Variants in RBFOX3 observed in about 807,000 individuals in gnomAD.
RBFOX3 encodes RNA binding fox-1 homolog 3.
In RBFOX3, 17 loss-of-function variants were observed where a neutral mutation model predicts 48.7. The ratio of observed to expected loss-of-function variants is 0.35; its 90% CI spans 0.24 to 0.52. RBFOX3 has a LOEUF of 0.52. Ranked by LOEUF, RBFOX3 falls within the 20% of genes least tolerant of loss-of-function variation. The pLI is 0.94. For synonymous variants in RBFOX3, 212 were observed against 209.5 expected (o/e 1.01, Z -0.10); for missense variants, 382 against 497.5 (o/e 0.77, Z 2.21).
In RBFOX3 at chr17:79,205,838, CT is replaced by C. The variant is rs11285839; in HGVS notation, c.-34+29927del. Among the ~76,000 whole-genome samples, 69,924 of 146,226 alleles carry C rather than the reference CT, an allele frequency of 0.48. 17,719 individuals carry two copies. The highest frequency in any genetic ancestry group is 0.61 in the East Asian group (3,074 of 5,030). On this transcript the variant is annotated intron_variant, in intron 4 of 14. Transcript: ENST00000693108. The surrounding 1 kb of genome is among the most constrained non-coding windows in gnomAD (Gnocchi z 4.5). ...TCCATAAAGAGTCAAAAGCAGTTGG[CT>C]TTTTTTTTTTTTTTCCTTAAAGTAG...
chr17:79,211,866 T>C (rs1286776956), intron 4 of RBFOX3, among the ~76,000 whole-genome samples: 11 of 152,120 alleles, frequency 7.2e-5, no homozygotes, highest in African/African-American at 2.7e-4. Context: ...GGTTAGGCCC[T>C]CTCTTAGCAC....
chr17:79,301,029 C>G (rs1600505479), intron 3 of RBFOX3, among the ~76,000 whole-genome samples: 1 of 152,206 alleles, frequency 6.6e-6, no homozygotes, highest in Non-Finnish European at 1.5e-5. Flanking sequence ...ACCATCACCT[C>G]CTGAAATCTT....
At chr17:79,193,160 T>C (rs1272106116) in intron 4 of RBFOX3, among the ~76,000 whole-genome samples, 1 of 152,324 alleles carries the variant, frequency 6.6e-6, no homozygotes, top group South Asian at 2.1e-4. Flanking sequence ...TGGCTGCCGT[T>C]TCCTCCAAAG....
intron 4 of RBFOX3, among the ~76,000 whole-genome samples, chr17:79,158,188 G>A (rs1453937895): frequency 3.9e-5 from 6 of 152,158 alleles, no homozygotes; most frequent in African/African-American, 1.4e-4. Context: ...AGGAAGAGAG[G>A]CCTCCAACAG....
chr17:79,280,170 CCACT>C (rs56098304), intron 3 of RBFOX3, among the ~76,000 whole-genome samples: 29,030 of 141,100 alleles, frequency 0.21, 3,014 homozygotes, highest in East Asian at 0.48. Context: ...CACGCACACA[CCACT>C]CACACACACA....
At chr17:79,313,449 C>T (rs1236739776) in intron 2 of RBFOX3, among the ~76,000 whole-genome samples, 1 of 152,194 alleles carries the variant, frequency 6.6e-6, no homozygotes, top group Non-Finnish European at 1.5e-5. Flanking sequence ...GGCCTGTTTA[C>T]CTGTTTCCAC....
rs150741197 is a variant in RBFOX3, at chr17:79,116,407, C to T, written c.-33-659G>A. On this transcript the variant is annotated intron_variant, in intron 4 of 14. Coordinates refer to ENST00000693108, the MANE Select transcript of RBFOX3 (RefSeq NM_001350451.2). Reference sequence around the variant, plus strand: ...GCACGTGCCTATAATCCCAGCTACTCGGGAGGCTGAGGCAGGAGAATCACT... The same window carrying T: ...GCACGTGCCTATAATCCCAGCTACTTGGGAGGCTGAGGCAGGAGAATCACT... 5.1e-3 allele frequency among the ~76,000 whole-genome samples: 760 copies of T among 148,644 alleles called. 13 individuals are homozygous for T. Among genetic ancestry groups the T allele is most frequent in the African/African-American group, 0.018 (731 of 40,640 alleles).
At chr17:79,332,349 G>T (rs2080438020) in intron 2 of RBFOX3, among the ~76,000 whole-genome samples, 1 of 88,096 alleles carries the variant, frequency 1.1e-5, no homozygotes, top group African/African-American at 3.6e-5. Context: ...AGCTGCCAGG[G>T]AGGTGGTGTT....
intron 4 of RBFOX3, among the ~76,000 whole-genome samples, chr17:79,222,026 A>G (rs1159580429): frequency 1.3e-5 from 2 of 152,212 alleles, no homozygotes; most frequent in African/African-American, 2.4e-5. Context: ...GTAGGAAAGC[A>G]GGTGTTCCAC....
At position 79,384,676 on chromosome 17, in the gene RBFOX3, G is replaced by A. The variant is rs191544544; in HGVS notation, c.-174-76852C>T. Among the ~76,000 whole-genome samples the A allele has an allele frequency of 1.6e-3, 248 of 152,366 alleles. 2 individuals are homozygous for A. Among genetic ancestry groups the A allele is most frequent in the African/African-American group, 5.8e-3 (242 of 41,584 alleles). ...CAGTTGATGCCTCGGGAAGTCCACA[G>A]ACGGCCAGGGGTGAGGCCCAAGCAG... On this transcript the variant is annotated intron_variant, in intron 2 of 14. Transcript: ENST00000693108.
chr17:79,184,619 G>A (rs2053019596), intron 4 of RBFOX3, among the ~76,000 whole-genome samples: 2 of 152,236 alleles, frequency 1.3e-5, no homozygotes, highest in African/African-American at 2.4e-5. Context: ...AGTGGCCACT[G>A]TCAGAGGCAG....
the RBFOX3 span, among the ~76,000 whole-genome samples, chr17:79,626,459 C>T: frequency 2.0e-5 from 3 of 152,248 alleles, no homozygotes; most frequent in South Asian, 4.1e-4. Context: ...GAATGGGCTT[C>T]CCGGTGTCTC....
intron 4 of RBFOX3, among the ~76,000 whole-genome samples, chr17:79,118,759 G>GC (rs2034820128): frequency 6.6e-6 from 1 of 151,392 alleles, no homozygotes; most frequent in Non-Finnish European, 1.5e-5. Flanking sequence ...GATTGCTTGA[G>GC]CCCAGGAGTT....
intron 9 of RBFOX3, 191 bp from the exon 10 acceptor site, chr17:79,097,936 C>T: frequency 1.6e-6 from 1 of 614,314 alleles, no homozygotes; most frequent in South Asian, 1.9e-5. Flanking sequence ...TCTACTCCTT[C>T]CTGACTCTTC....
intron 5 of RBFOX3, among the ~76,000 whole-genome samples, chr17:79,115,143 G>A (rs985493150): frequency 1.3e-5 from 2 of 152,224 alleles, no homozygotes; most frequent in South Asian, 2.1e-4. Flanking sequence ...CTCTGGCAGC[G>A]AGGACACCTC....
rs558710813 is a variant in RBFOX3, at chr17:79,137,955, A to T, written c.-33-22207T>A. On this transcript the variant is annotated intron_variant, in intron 4 of 14. Coordinates refer to ENST00000693108, the MANE Select transcript of RBFOX3 (RefSeq NM_001350451.2). Reference sequence around the variant, plus strand: ...GGGGCTGACAACTCCATTTTTAAACATCTTCTTCTCTAGAAGCCATGTGCA... The same window carrying T: ...GGGGCTGACAACTCCATTTTTAAACTTCTTCTTCTCTAGAAGCCATGTGCA... 2.6e-5 allele frequency among the ~76,000 whole-genome samples: 4 copies of T among 152,246 alleles called. No individual in the cohort carries two copies. In the East Asian group the frequency reaches 7.7e-4, roughly 29 times the overall value.
chr17:79,336,165 T>C (rs2081160876), intron 2 of RBFOX3, among the ~76,000 whole-genome samples: 1 of 152,056 alleles, frequency 6.6e-6, no homozygotes, highest in Non-Finnish European at 1.5e-5. Context: ...GGTGAGTGGA[T>C]CACCTGAGGT....
chr17:79,491,033 AGAGGGGAGGGGAGGAAAGGAGAGGG>A, intron 1 of RBFOX3, among the ~76,000 whole-genome samples: 1 of 93,304 alleles, frequency 1.1e-5, no homozygotes, highest in South Asian at 5.1e-4. Context: ...ATCGGAGAGG[AGAGGGGAGGGGAGGAAAGGAGAGGG>A]GAGGGGAGGG....
At chr17:79,190,440 C>CTATAACA (rs1024817953) in intron 4 of RBFOX3, among the ~76,000 whole-genome samples, 1 of 128,138 alleles carries the variant, frequency 7.8e-6, no homozygotes, top group African/African-American at 2.9e-5. Context: ...AACAAAAAAA[C>CTATAACA]AGAGTGAAGA....
Sources: allele counts gnomAD v4.1 joint callset (sites outside exome capture counted in the v4.1 genomes callset), GRCh38; gene constraint gnomAD v4.1.1; non-coding constraint Gnocchi (gnomAD v3.1); transcripts MANE v1.5; gene names NCBI Gene and HGNC (gene_info 2026-07-23, HGNC 2026-07-21).